PPP1R37: variants seen among roughly 807,000 people sequenced by gnomAD.
PPP1R37 encodes leucine rich repeat containing 68.
In PPP1R37, 21 loss-of-function variants were observed where a neutral mutation model predicts 61.0. The ratio of observed to expected loss-of-function variants is 0.34; its 90% confidence interval spans 0.24 to 0.50. PPP1R37 has a LOEUF of 0.50. PPP1R37 is among the 20% of genes least tolerant of loss of function. The probability of loss-of-function intolerance (pLI) is 0.98; values close to 1 mark genes in which losing one functional copy is unlikely to be tolerated. For missense variants in PPP1R37, 910 were observed against 952.7 expected (o/e 0.96, Z 0.59); for synonymous variants, 443 against 433.5 (o/e 1.02, Z -0.27).
intron 1 of PPP1R37, among the ~76,000 whole-genome samples, chr19:45,096,218 G>A (rs1378941654): frequency 6.6e-6 from 1 of 152,178 alleles, no homozygotes. Context: ...TTCCAGGAGA[G>A]GGGAGAGATG....
At chr19:45,109,094 T>C (rs1304993782) in intron 1 of PPP1R37, among the ~76,000 whole-genome samples, 2 of 152,220 alleles carry the variant, frequency 1.3e-5, no homozygotes, top group Admixed American at 6.5e-5. Flanking sequence ...TGTTAACATG[T>C]TACATGGTTC....
chr19:45,109,893 G>T (rs1449257644), intron 1 of PPP1R37, among the ~76,000 whole-genome samples: 1 of 152,092 alleles, frequency 6.6e-6, no homozygotes, highest in Non-Finnish European at 1.5e-5. Flanking sequence ...CCTCTGCCCT[G>T]TTGGAGGGTC....
rs868324587 is a variant in PPP1R37 at position 45,145,554 on chromosome 19, G to A, written c.1498G>A (p.Ala500Thr). The change falls in exon 11 of 13, where the codon GCA becomes ACA. Residue 500 changes from alanine (A) to threonine (T), a missense_variant. Around this residue, in one of 3 missense-constraint regions of PPP1R37, gnomAD observed 549 missense variants for 505.1 expected, o/e 1.09. Transcript: ENST00000221462. ...GGTGCAGAACGGGGCCCCCAGCCCC[G>A]CACCCAGCCCGGACTCAGACTCAGA... ...AGVQNGAPSP[A>T]PSPDSDSDSD... is the part of the protein sequence containing the mutation. 5.2e-6 allele frequency: 8 copies of A among 1,534,676 alleles called. No homozygotes were observed. The Admixed American group carries it at 5.9e-5, about 11-fold the overall frequency.
At chr19:45,138,868 C>T (rs370490833) in intron 2 of PPP1R37, among the ~76,000 whole-genome samples, 4 of 149,336 alleles carry the variant, frequency 2.7e-5, no homozygotes, top group African/African-American at 7.4e-5. Flanking sequence ...GGCATATCTA[C>T]GATTCTTGTG....
At chr19:45,105,902 G>A (rs1251374357) in intron 1 of PPP1R37, among the ~76,000 whole-genome samples, 9 of 152,184 alleles carry the variant, frequency 5.9e-5, no homozygotes, top group Admixed American at 5.9e-4. Flanking sequence ...AATGGAGTTG[G>A]GGCTGTTGCT....
chr19:45,123,969 C>G (rs1968371465), intron 1 of PPP1R37, among the ~76,000 whole-genome samples: 1 of 152,060 alleles, frequency 6.6e-6, no homozygotes, highest in Non-Finnish European at 1.5e-5. Context: ...GTGAGCTTCT[C>G]CTCTGTCCGC....
intron 8 of PPP1R37, 140 bp from the exon 9 acceptor site, chr19:45,144,714 G>A (rs1968661122): frequency 2.9e-6 from 2 of 696,980 alleles, no homozygotes; most frequent in South Asian, 2.0e-5. Context: ...AGGGCAGGAC[G>A]GCGCCGGTGT....
intron 1 of PPP1R37, among the ~76,000 whole-genome samples, chr19:45,102,973 C>A (rs79067230): frequency 0.061 from 9,346 of 152,216 alleles, 415 homozygotes; most frequent in Non-Finnish European, 0.09. Flanking sequence ...TCCCTAATTG[C>A]AAGAAGGTGG....
intron 1 of PPP1R37, among the ~76,000 whole-genome samples, chr19:45,094,726 C>T (rs1423582444): frequency 6.8e-6 from 1 of 147,350 alleles, no homozygotes; most frequent in Non-Finnish European, 1.5e-5. Context: ...AAAACTCCGG[C>T]TCAAAGAAAA....
At chr19:45,138,727 A>T (rs1343694301) in intron 2 of PPP1R37, 116 bp downstream of exon 2, 2 of 621,146 alleles carry the variant, frequency 3.2e-6, no homozygotes, top group Non-Finnish European at 5.6e-6. Context: ...TCATGAATAC[A>T]TCTTTGAAAG....
In PPP1R37 at chr19:45,121,998, G is replaced by A. The variant is rs1968347824; in HGVS notation, c.203-16516G>A. Reference sequence around the variant, plus strand: ...GATAGAGACGTGCAGCAGCACATCCGCAGAGGTAGCGAGGCCTTGGGGGTG... The same window carrying A: ...GATAGAGACGTGCAGCAGCACATCCACAGAGGTAGCGAGGCCTTGGGGGTG... On this transcript the variant is annotated intron_variant, in intron 1 of 12. Transcript: ENST00000221462. The surrounding 1 kb of genome is among the most constrained non-coding windows in gnomAD (Gnocchi z 4.2). 6.6e-6 allele frequency among the ~76,000 whole-genome samples: 1 copy of A among 152,184 alleles called. No individual in the cohort carries two copies. The highest frequency in any genetic ancestry group is 2.4e-5 in the African/African-American group (1 of 41,448).
intron 1 of PPP1R37, among the ~76,000 whole-genome samples, chr19:45,129,675 C>T (rs1175029449): frequency 6.6e-6 from 1 of 152,124 alleles, no homozygotes; most frequent in South Asian, 2.1e-4. Flanking sequence ...TCCCCACTCA[C>T]CCCTGGTCTG....
chr19:45,144,664 G>C, intron 8 of PPP1R37, 190 bp from the exon 9 acceptor site: 2 of 548,062 alleles, frequency 3.6e-6, no homozygotes, highest in Non-Finnish European at 6.3e-6. Flanking sequence ...CATTTGGGGA[G>C]ACTTCAGGCA....
At chr19:45,102,575 G>A (rs942739828) in intron 1 of PPP1R37, among the ~76,000 whole-genome samples, 22 of 152,176 alleles carry the variant, frequency 1.4e-4, no homozygotes, top group African/African-American at 5.1e-4. Context: ...TGCCTCCCCC[G>A]GCTGTAAGGG....
At chr19:45,141,493 G>C (rs1968611464) in intron 5 of PPP1R37, 52 bp downstream of exon 5, 1 of 1,510,292 alleles carries the variant, frequency 6.6e-7, no homozygotes, top group Non-Finnish European at 8.9e-7. Flanking sequence ...CCAGCACGGG[G>C]AGGCACTTTC....
intron 1 of PPP1R37, chr19:45,128,643 T>C (rs1343872283): frequency 4.8e-6 from 6 of 1,245,784 alleles, no homozygotes; most frequent in Non-Finnish European, 6.9e-6. Context: ...CTCAGCATTA[T>C]GTAACACTGG....
chr19:45,117,289 A>G (rs1968280975), intron 1 of PPP1R37, among the ~76,000 whole-genome samples: 1 of 152,060 alleles, frequency 6.6e-6, no homozygotes, highest in Non-Finnish European at 1.5e-5. Context: ...GGAAGCTGTC[A>G]GAGGGAGGGA....
intron 1 of PPP1R37, among the ~76,000 whole-genome samples, chr19:45,101,019 G>A (rs946437438): frequency 7.9e-5 from 12 of 152,248 alleles, no homozygotes; most frequent in African/African-American, 1.9e-4. Flanking sequence ...TGGTGTGGCC[G>A]TGCCACGTGT....
At chr19:45,112,200 C>G (rs1287227140) in intron 1 of PPP1R37, among the ~76,000 whole-genome samples, 1 of 120,012 alleles carries the variant, frequency 8.3e-6, no homozygotes, top group Non-Finnish European at 1.9e-5. Context: ...TCTTGGAACT[C>G]CTGACCTCAA....
Sources: gnomAD v4.1 joint callset for allele counts (sites outside exome capture counted in the v4.1 genomes callset) on GRCh38, gnomAD v4.1.1 for gene constraint, gnomAD v4.1.1 regional missense constraint, Gnocchi (gnomAD v3.1) non-coding constraint, MANE v1.5 for transcripts, NCBI Gene and HGNC (gene_info 2026-07-23, HGNC 2026-07-21) for gene names.